The following LURAP1L variants were observed in gnomAD, a reference collection of about 807,000 sequenced individuals.
LURAP1L encodes the protein leucine rich adaptor protein 1 like.
A neutral mutation model predicts 13.8 loss-of-function variants in LURAP1L; 12 were observed. The observed-to-expected ratio is 0.87, with a 90% CI of 0.56 to 1.41. The LOEUF is 1.41. LURAP1L is among the 40% of genes most tolerant of loss of function. The probability of loss-of-function intolerance (pLI) is 0.00; values close to 1 mark genes in which losing one functional copy is unlikely to be tolerated. For synonymous variants in LURAP1L, 139 were observed against 119.2 expected (o/e 1.17, Z -1.08); for missense variants, 375 against 292.9 (o/e 1.28, Z -2.04).
At chr9:12,804,825 C>T (rs1819634344) in intron 1 of LURAP1L, among the ~76,000 whole-genome samples, 1 of 152,144 alleles carries the variant, frequency 6.6e-6, no homozygotes, top group South Asian at 2.1e-4. Context: ...GTTAAATTAA[C>T]CAGGAAGTAC....
At chr9:12,783,434 T>C (rs1460469576) in intron 1 of LURAP1L, among the ~76,000 whole-genome samples, 1 of 152,188 alleles carries the variant, frequency 6.6e-6, no homozygotes, top group Non-Finnish European at 1.5e-5. Flanking sequence ...TTTTATCAAA[T>C]GCTTTTCCAG....
intron 1 of LURAP1L, among the ~76,000 whole-genome samples, chr9:12,817,342 T>G (rs1373163580): frequency 6.6e-6 from 1 of 152,178 alleles, no homozygotes; most frequent in Non-Finnish European, 1.5e-5. Flanking sequence ...AGCACCTACT[T>G]GTGTGAGATA....
intron 1 of LURAP1L, among the ~76,000 whole-genome samples, chr9:12,799,045 C>T (rs1819549048): frequency 6.6e-6 from 1 of 152,052 alleles, no homozygotes; most frequent in Non-Finnish European, 1.5e-5. Context: ...ATATGAAAGG[C>T]CAATTCTACA....
At chr9:12,793,285 G>C (rs113025447) in intron 1 of LURAP1L, among the ~76,000 whole-genome samples, 1 of 151,946 alleles carries the variant, frequency 6.6e-6, no homozygotes, top group Admixed American at 6.6e-5. Flanking sequence ...ATGAAATCTA[G>C]ATTTTCTATA....
At chr9:12,791,678 C>T (rs1819442879) in intron 1 of LURAP1L, among the ~76,000 whole-genome samples, 1 of 146,106 alleles carries the variant, frequency 6.8e-6, no homozygotes, top group Non-Finnish European at 1.5e-5. Context: ...CTCCTGCCCT[C>T]CTCCCTTCTT....
rs16929631 is a variant in LURAP1L at position 12,822,892 on chromosome 9, G to A, written c.*1132G>A. Among the ~76,000 whole-genome samples the A allele has an allele frequency of 0.085, 12,983 of 151,898 alleles. 611 individuals carry two copies. The highest frequency in any genetic ancestry group is 0.18 in the South Asian group (871 of 4,800). The stretch of plus-strand genomic sequence containing the variant: ...GTTCTTTGTAATGATAAATGTTTCC[G>A]GACTAAACACTCTATAATACAAATC... On this transcript the variant is annotated 3_prime_UTR_variant, in exon 2 of 2. Coordinates refer to ENST00000319264, the MANE Select transcript of LURAP1L (RefSeq NM_203403.2).
chr9:12,777,532 T>G (rs1819205761), intron 1 of LURAP1L: 1 of 978,420 alleles, frequency 1.0e-6, no homozygotes, highest in Admixed American at 6.1e-5. Flanking sequence ...ACCCATGGAA[T>G]GTTAATATAT....
At chr9:12,790,457 T>C (rs558462345) in intron 1 of LURAP1L, among the ~76,000 whole-genome samples, 3 of 152,300 alleles carry the variant, frequency 2.0e-5, no homozygotes, top group East Asian at 1.9e-4. Flanking sequence ...TAGTGGATCA[T>C]AGAAACCCAA....
At chr9:12,794,589 A>T (rs1819487525) in intron 1 of LURAP1L, among the ~76,000 whole-genome samples, 1 of 152,048 alleles carries the variant, frequency 6.6e-6, no homozygotes, top group Non-Finnish European at 1.5e-5. Flanking sequence ...CATCTCTATG[A>T]CCATACACAT....
chr9:12,800,578 T>A (rs951935836), intron 1 of LURAP1L, among the ~76,000 whole-genome samples: 4 of 152,164 alleles, frequency 2.6e-5, no homozygotes, highest in Non-Finnish European at 4.4e-5. Context: ...AAAAAATCTC[T>A]TACTCATTTG....
Position 12,775,658 on chromosome 9 carries a change from C to G in LURAP1L, c.-58C>G. On this transcript the variant is annotated 5_prime_UTR_variant, in exon 1 of 2. Coordinates refer to ENST00000319264, the MANE Select transcript of LURAP1L (RefSeq NM_203403.2). Reference sequence around the variant, plus strand: ...GCTGATTTCGCAGCAGCCTTCGAAGCCGTGGCTGCCTTTCATCTGCTGCGT... The same window carrying G: ...GCTGATTTCGCAGCAGCCTTCGAAGGCGTGGCTGCCTTTCATCTGCTGCGT... 6.6e-7 allele frequency: 1 copy of G among 1,519,802 alleles called. No homozygotes were observed. The highest frequency in any genetic ancestry group is 8.8e-7 in the Non-Finnish European group (1 of 1,137,482). The allele number at this position is 1,519,802 out of a possible 1,614,324, so 94.1% of individuals were successfully genotyped here.
intron 1 of LURAP1L, among the ~76,000 whole-genome samples, chr9:12,795,186 T>A (rs1019642034): frequency 6.6e-6 from 1 of 151,984 alleles, no homozygotes; most frequent in African/African-American, 2.4e-5. Context: ...ATGTTGCTTT[T>A]GCCTGGATCT....
Position 12,807,107 on chromosome 9 carries a change from A to G in LURAP1L, c.313-14279A>G, listed in dbSNP as rs578249914. 7.8e-4 allele frequency among the ~76,000 whole-genome samples: 107 copies of G among 137,786 alleles called. 4 individuals are homozygous for G. The highest frequency in any genetic ancestry group is 7.9e-3 in the Middle Eastern group (2 of 254). 90.4% of individuals were successfully genotyped at this position (137,786 alleles called of 152,430 possible). ...TGTCTCTACTAAAATATATATATAT[A>G]TATATATATATTAGCCGGGCGTGGT... On this transcript the variant is annotated intron_variant, in intron 1 of 1. Coordinates refer to ENST00000319264, the MANE Select transcript of LURAP1L (RefSeq NM_203403.2).
At position 12,775,668 on chromosome 9, in the gene LURAP1L, C is replaced by G; in HGVS notation, c.-48C>G. Reference sequence around the variant, plus strand: ...CAGCAGCCTTCGAAGCCGTGGCTGCCTTTCATCTGCTGCGTTTTATTACTA... The same window carrying G: ...CAGCAGCCTTCGAAGCCGTGGCTGCGTTTCATCTGCTGCGTTTTATTACTA... On this transcript the variant is annotated 5_prime_UTR_variant, in exon 1 of 2. Transcript: ENST00000319264. The G allele has an allele frequency of 6.6e-7, 1 of 1,524,528 alleles. No individual in the cohort carries two copies. Among genetic ancestry groups the G allele is most frequent in the Non-Finnish European group, 8.8e-7 (1 of 1,139,724 alleles). 94.4% of individuals were successfully genotyped at this position (1,524,528 alleles called of 1,614,324 possible). A position where few individuals can be genotyped will look rare whatever the true frequency, so the allele number is the denominator to read the frequency against.
At chr9:12,812,208 G>A (rs79132368) in intron 1 of LURAP1L, among the ~76,000 whole-genome samples, 2,556 of 152,252 alleles carry the variant, frequency 0.017, 78 homozygotes, top group African/African-American at 0.059. Context: ...AGGGAACTAC[G>A]TAAGGATGTA....
chr9:12,820,499 TCC>T (rs747476601), intron 1 of LURAP1L, among the ~76,000 whole-genome samples: 466 of 14,674 alleles, frequency 0.032, 10 homozygotes, highest in South Asian at 0.054. Context: ...CGAGACTCCG[TCC>T]CCCCCCCCCC....
At chr9:12,809,132 A>G (rs1482483803) in intron 1 of LURAP1L, among the ~76,000 whole-genome samples, 1 of 152,146 alleles carries the variant, frequency 6.6e-6, no homozygotes, top group East Asian at 1.9e-4. Context: ...ATTCATTATC[A>G]TGAGGAGGGC....
chr9:12,804,098 T>C (rs1012694361), intron 1 of LURAP1L, among the ~76,000 whole-genome samples: 1 of 152,124 alleles, frequency 6.6e-6, no homozygotes, highest in African/African-American at 2.4e-5. Context: ...AAATTCAGTG[T>C]ATGATTTTTT....
At chr9:12,793,615 G>C (rs7038787) in intron 1 of LURAP1L, among the ~76,000 whole-genome samples, 1 of 151,990 alleles carries the variant, frequency 6.6e-6, no homozygotes, top group African/African-American at 2.4e-5. Context: ...ATTTCCACTC[G>C]AAGTTGAAAT....
Sources: gnomAD v4.1 joint callset for allele counts (sites outside exome capture counted in the v4.1 genomes callset) on GRCh38, gnomAD v4.1.1 for gene constraint, MANE v1.5 for transcripts, NCBI Gene and HGNC (gene_info 2026-07-23, HGNC 2026-07-21) for gene names.